LYPD6B: variants seen among roughly 807,000 people sequenced by gnomAD.
LYPD6B encodes the protein ly6/PLAUR domain-containing protein 6B.
LYPD6B carries 17 observed loss-of-function variants against 22.8 expected under a neutral mutation model. The ratio of observed to expected loss-of-function variants is 0.75; its 90% CI spans 0.51 to 1.12. The LOEUF (loss-of-function observed/expected upper bound fraction) is 1.12. Ranked by LOEUF, LYPD6B falls within the 50% of genes most tolerant of loss-of-function variation. LYPD6B has a pLI of 0.00. For synonymous variants in LYPD6B, 106 were observed against 91.6 expected (o/e 1.16, Z -0.90); for missense variants, 221 against 258.3 (o/e 0.86, Z 0.99).
At chr2:149,091,853 TA>T in intron 1 of LYPD6B, among the ~76,000 whole-genome samples, 1 of 152,304 alleles carries the variant, frequency 6.6e-6, no homozygotes, top group East Asian at 1.9e-4. Context: ...AATTTTAAGA[TA>T]TGTGACAAAT....
chr2:149,107,443 C>T (rs373104771), intron 1 of LYPD6B, among the ~76,000 whole-genome samples: 8 of 152,236 alleles, frequency 5.3e-5, no homozygotes, highest in East Asian at 3.9e-4. Flanking sequence ...CAGTTGACCA[C>T]GAGTAACTGA....
chr2:149,106,400 G>T (rs1360986943), intron 1 of LYPD6B, among the ~76,000 whole-genome samples: 5 of 152,004 alleles, frequency 3.3e-5, no homozygotes, highest in Non-Finnish European at 7.4e-5. Context: ...AAGACATCTT[G>T]GTCTGGTGTT....
At position 149,195,317 on chromosome 2, in the gene LYPD6B, A is replaced by G. The variant is rs146887493; in HGVS notation, c.78-9936A>G. Among the ~76,000 whole-genome samples the G allele has an allele frequency of 2.6e-3, 403 of 152,318 alleles. 2 individuals are homozygous for G. The highest frequency in any genetic ancestry group is 9.4e-3 in the African/African-American group (390 of 41,580). ...CTCATGGGCTGGAGTAGGCATGGAA[A>G]GATTTTGTGAATGAAAAATATATGA... is the stretch of plus-strand genomic sequence containing the variant. On this transcript the variant is annotated intron_variant, in intron 3 of 6. Transcript: ENST00000409642.
At chr2:149,194,864 T>G (rs886803585) in intron 3 of LYPD6B, among the ~76,000 whole-genome samples, 3 of 152,156 alleles carry the variant, frequency 2.0e-5, no homozygotes, top group Non-Finnish European at 4.4e-5. Flanking sequence ...TTTCACCGAC[T>G]GGGATAGCTT....
intron 1 of LYPD6B, among the ~76,000 whole-genome samples, chr2:149,115,484 C>T (rs1002927473): frequency 6.6e-6 from 1 of 152,178 alleles, no homozygotes; most frequent in Admixed American, 6.5e-5. Context: ...CTTCCTGATT[C>T]CCCTTGCAAT....
chr2:149,168,942 C>G (rs1690623006), intron 3 of LYPD6B, among the ~76,000 whole-genome samples: 1 of 152,136 alleles, frequency 6.6e-6, no homozygotes, highest in African/African-American at 2.4e-5. Flanking sequence ...TAACAGAACT[C>G]TAATGGGCAA....
At chr2:149,206,043 T>G (rs974956147) in intron 4 of LYPD6B, 1 of 468,042 alleles carries the variant, frequency 2.1e-6, no homozygotes, top group African/African-American at 2.0e-5. Context: ...TTTGATATAC[T>G]TTATTAGAGA....
chr2:149,184,274 C>T (rs936072180), intron 3 of LYPD6B, among the ~76,000 whole-genome samples: 2 of 152,150 alleles, frequency 1.3e-5, no homozygotes, highest in Non-Finnish European at 2.9e-5. Flanking sequence ...CAAAACATGG[C>T]TTTTCTAATC....
At chr2:149,116,417 C>T (rs2105564400) in intron 1 of LYPD6B, among the ~76,000 whole-genome samples, 1 of 152,166 alleles carries the variant, frequency 6.6e-6, no homozygotes, top group African/African-American at 2.4e-5. Context: ...GGCAGCAGAA[C>T]CTAGCTTAAC....
chr2:149,072,488 T>TTTTA lies in LYPD6B; in HGVS notation c.-67+33691_-67+33694dup, dbSNP rs1272992064. On this transcript the variant is annotated intron_variant, in intron 1 of 6. Transcript: ENST00000409642. ...GAGAATGCTAGGGTGGTTATTTTTATTTTATTTTATTTTATTTTATTTTAT... is the reference window on the plus strand; with the variant it reads ...GAGAATGCTAGGGTGGTTATTTTTATTTTATTTATTTTATTTTATTTTATTTTAT... 3.7e-5 allele frequency among the ~76,000 whole-genome samples: 4 copies of TTTTA among 108,590 alleles called. No individual in the cohort carries two copies. The Admixed American group carries it at 4.2e-4, about 12-fold the overall frequency. The allele number at this position is 108,590 out of a possible 152,430, so 71.2% of individuals were successfully genotyped here. A position where few individuals can be genotyped will look rare whatever the true frequency, so the allele number is the denominator to read the frequency against.
intron 5 of LYPD6B, among the ~76,000 whole-genome samples, chr2:149,210,116 G>A (rs1323173030): frequency 6.6e-6 from 1 of 152,142 alleles, no homozygotes; most frequent in Non-Finnish European, 1.5e-5. Context: ...TCATGCTATT[G>A]TTTTGAATTG....
intron 3 of LYPD6B, among the ~76,000 whole-genome samples, chr2:149,192,200 C>G (rs1236146693): frequency 6.6e-6 from 1 of 152,184 alleles, no homozygotes; most frequent in East Asian, 1.9e-4. Flanking sequence ...GTTAACCTCA[C>G]TGTATGCTTC....
intron 1 of LYPD6B, chr2:149,068,691 T>C (rs1684454559): frequency 1.8e-6 from 1 of 551,292 alleles, no homozygotes; most frequent in South Asian, 1.4e-5. Context: ...TAGGTTGGCA[T>C]GCATTTGACT....
chr2:149,110,699 G>A (rs35537026), intron 1 of LYPD6B, among the ~76,000 whole-genome samples: 34,297 of 152,010 alleles, frequency 0.23, 4,728 homozygotes, highest in East Asian at 0.57. Context: ...GATGTGTTTC[G>A]TTTATTCAAT....
At chr2:149,057,538 T>C (rs765317048) in intron 1 of LYPD6B, among the ~76,000 whole-genome samples, 1 of 152,052 alleles carries the variant, frequency 6.6e-6, no homozygotes, top group Non-Finnish European at 1.5e-5. Flanking sequence ...ATAACTACTC[T>C]ATTTTTGCCT....
At chr2:149,059,617 G>A (rs1475724718) in intron 1 of LYPD6B, among the ~76,000 whole-genome samples, 1 of 152,162 alleles carries the variant, frequency 6.6e-6, no homozygotes, top group African/African-American at 2.4e-5. Context: ...GCGTTGTTCC[G>A]TTCACCTGCC....
chr2:149,105,207 G>A (rs1010376535), intron 1 of LYPD6B, among the ~76,000 whole-genome samples: 1 of 152,024 alleles, frequency 6.6e-6, no homozygotes, highest in African/African-American at 2.4e-5. Flanking sequence ...CTGTTCCATG[G>A]ACCCATGTGC....
intron 1 of LYPD6B, among the ~76,000 whole-genome samples, chr2:149,120,359 G>GTA (rs1380959328): frequency 4.0e-5 from 2 of 50,560 alleles, no homozygotes; most frequent in Admixed American, 2.3e-4. Flanking sequence ...ATGTGTGTGT[G>GTA]TGTATATATA....
chr2:149,204,075 T>C (rs960588409), intron 3 of LYPD6B, among the ~76,000 whole-genome samples: 5 of 152,246 alleles, frequency 3.3e-5, no homozygotes, highest in African/African-American at 1.2e-4. Flanking sequence ...GCCAATATTA[T>C]TGAACTCTAG....
Sources: gnomAD v4.1 joint callset for allele counts (sites outside exome capture counted in the v4.1 genomes callset) on GRCh38, gnomAD v4.1.1 for gene constraint, MANE v1.5 for transcripts, NCBI Gene and HGNC (gene_info 2026-07-23, HGNC 2026-07-21) for gene names.